The following MAP3K5 variants were observed in gnomAD, a reference collection of about 807,000 sequenced individuals.
MAP3K5 encodes the protein ASK-1.
In MAP3K5, 56 loss-of-function variants were observed where a neutral mutation model predicts 158.7. The observed-to-expected ratio is 0.35, with a 90% CI of 0.28 to 0.44. The LOEUF (loss-of-function observed/expected upper bound fraction) is 0.44. Ranked by LOEUF, MAP3K5 falls within the 20% of genes least tolerant of loss-of-function variation. The pLI, the probability that MAP3K5 is intolerant of heterozygous loss-of-function variation, is 1.00. For synonymous variants in MAP3K5, 579 were observed against 601.7 expected (o/e 0.96, Z 0.55); for missense variants, 1,294 against 1,674.8 (o/e 0.77, Z 3.97).
intron 25 of MAP3K5, among the ~76,000 whole-genome samples, chr6:136,571,214 ACTTT>A (rs1376741439): frequency 6.6e-6 from 1 of 152,210 alleles, no homozygotes; most frequent in Non-Finnish European, 1.5e-5. Context: ...AATGCTGAGA[ACTTT>A]CTTTCTGTCA....
At chr6:136,726,507 C>G (rs1781972981) in intron 1 of MAP3K5, among the ~76,000 whole-genome samples, 1 of 152,078 alleles carries the variant, frequency 6.6e-6, no homozygotes, top group African/African-American at 2.4e-5. Context: ...GCACAAGCAT[C>G]ACTTGAACCT....
chr6:136,775,362 A>G (rs951400919), intron 1 of MAP3K5, among the ~76,000 whole-genome samples: 1 of 152,204 alleles, frequency 6.6e-6, no homozygotes, highest in Non-Finnish European at 1.5e-5. Flanking sequence ...TAATTCTCAT[A>G]GACTAAATAT....
chr6:136,756,562 A>G lies in MAP3K5; in HGVS notation c.448+35148T>C, dbSNP rs563979523. 7.9e-5 allele frequency among the ~76,000 whole-genome samples: 12 copies of G among 152,248 alleles called. No homozygotes were observed. In the South Asian group the frequency reaches 2.5e-3, roughly 32 times the overall value. On this transcript the variant is annotated intron_variant, in intron 1 of 29. Transcript: ENST00000359015. Reference sequence around the variant, plus strand: ...CTCCCTGCAACCTCCGCCTCCCGGAAGGGTATTGCCTGTGTTGTACTCATC... The same window carrying G: ...CTCCCTGCAACCTCCGCCTCCCGGAGGGGTATTGCCTGTGTTGTACTCATC...
rs1421340052 is a variant in MAP3K5, at chr6:136,557,632, T to G, written c.*126A>C. On this transcript the variant is annotated 3_prime_UTR_variant, in exon 30 of 30. Transcript: ENST00000359015. ...TTGTCTGTTTTTTTTTTTTTTAACATGAGTAAACAAATACTGGATTTAAAG... is the reference window on the plus strand; with the variant it reads ...TTGTCTGTTTTTTTTTTTTTTAACAGGAGTAAACAAATACTGGATTTAAAG... 4 of 572,002 alleles carry G rather than the reference T, an allele frequency of 7.0e-6. No individual in the cohort carries two copies. The highest frequency in any genetic ancestry group is 9.3e-6 in the Non-Finnish European group (3 of 323,156). The allele number at this position is 572,002 out of a possible 1,614,324, so 35.4% of individuals were successfully genotyped here. A position where few individuals can be genotyped will look rare whatever the true frequency, so the allele number is the denominator to read the frequency against.
chr6:136,635,335 AAGT>A (rs1315251532), intron 14 of MAP3K5, among the ~76,000 whole-genome samples: 1 of 152,200 alleles, frequency 6.6e-6, no homozygotes, highest in Non-Finnish European at 1.5e-5. Context: ...ACGAGCCCTG[AAGT>A]AGGAGTCAAG....
intron 14 of MAP3K5, among the ~76,000 whole-genome samples, chr6:136,634,556 T>C (rs1444555299): frequency 6.6e-6 from 1 of 152,086 alleles, no homozygotes; most frequent in Non-Finnish European, 1.5e-5. Context: ...AGGATAGAAA[T>C]GTAAGAATGT....
intron 23 of MAP3K5, among the ~76,000 whole-genome samples, chr6:136,584,013 C>A (rs1177198347): frequency 6.6e-6 from 1 of 152,042 alleles, no homozygotes; most frequent in Non-Finnish European, 1.5e-5. Context: ...AAGGAAAGAC[C>A]ATATTTTGAA....
chr6:136,665,346 G>GTA (rs1243875677), intron 8 of MAP3K5, among the ~76,000 whole-genome samples: 3 of 136,474 alleles, frequency 2.2e-5, no homozygotes, highest in African/African-American at 8.7e-5. Flanking sequence ...AAGAAGAGCT[G>GTA]TATTTTTTTT....
intron 17 of MAP3K5, among the ~76,000 whole-genome samples, chr6:136,612,391 G>GAT (rs1027978243): frequency 1.3e-5 from 2 of 152,132 alleles, no homozygotes; most frequent in Admixed American, 1.3e-4. Context: ...GCTATTTACA[G>GAT]ATATATAATG....
At chr6:136,727,965 G>T (rs80293119) in intron 1 of MAP3K5, among the ~76,000 whole-genome samples, 1 of 133,742 alleles carries the variant, frequency 7.5e-6, no homozygotes, top group East Asian at 2.2e-4. Flanking sequence ...CCGCCTCAAA[G>T]AAAAAAAAAA....
At chr6:136,743,846 T>G (rs530666565) in intron 1 of MAP3K5, among the ~76,000 whole-genome samples, 2 of 152,324 alleles carry the variant, frequency 1.3e-5, no homozygotes, top group East Asian at 3.9e-4. Flanking sequence ...AATTCATTAT[T>G]ATTTAGGGCT....
chr6:136,737,058 A>ATATATATATATATATAT (rs1554308046), intron 1 of MAP3K5, among the ~76,000 whole-genome samples: 1 of 79,670 alleles, frequency 1.3e-5, no homozygotes, highest in Admixed American at 1.0e-4. Flanking sequence ...TATATATATA[A>ATATATATATATATATAT]ACTTAGATGT....
At chr6:136,673,480 CA>C (rs1169497638) in intron 7 of MAP3K5, among the ~76,000 whole-genome samples, 2 of 151,868 alleles carry the variant, frequency 1.3e-5, no homozygotes, top group African/African-American at 2.4e-5. Context: ...ATAATTATGA[CA>C]AATACGGTAA....
Position 136,580,338 on chromosome 6 carries a change from C to T in MAP3K5, c.3480G>A (p.Arg1160=), listed in dbSNP as rs945822377. Residue 1160 remains arginine, a synonymous_variant, in exon 25 of 30, where the codon CGG becomes CGA. Coordinates refer to ENST00000359015, the MANE Select transcript of MAP3K5 (RefSeq NM_005923.4). ...TGGTAATGGCTGTCTGTACCGCCTTCCGAATGATACTGTCTAAGGCAAACA... is the reference window on the plus strand; with the variant it reads ...TGGTAATGGCTGTCTGTACCGCCTTTCGAATGATACTGTCTAAGGCAAACA... ...HWMFALDSII[R]KAVQTAITIL... 10 of 1,613,688 alleles carry T rather than the reference C, an allele frequency of 6.2e-6. No homozygotes were observed. Among genetic ancestry groups the T allele is most frequent in the Non-Finnish European group, 7.6e-6 (9 of 1,179,616 alleles).
At chr6:136,714,344 C>T (rs1228188581) in intron 2 of MAP3K5, among the ~76,000 whole-genome samples, 1 of 152,122 alleles carries the variant, frequency 6.6e-6, no homozygotes, top group Non-Finnish European at 1.5e-5. Context: ...CTGCTATTTT[C>T]AAAACTATAA....
chr6:136,601,119 GA>G (rs1460919274), intron 20 of MAP3K5, 77 bp from the exon 21 acceptor site: 100 of 1,402,878 alleles, frequency 7.1e-5, no homozygotes, highest in Non-Finnish European at 9.7e-5. Flanking sequence ...AACAAAAAAT[GA>G]ATGCCTGAAA....
At chr6:136,663,606 CTTT>C (rs145415185) in intron 8 of MAP3K5, among the ~76,000 whole-genome samples, 19 of 121,466 alleles carry the variant, frequency 1.6e-4, no homozygotes, top group African/African-American at 5.3e-4. Context: ...AAATTTCTCA[CTTT>C]TTTTTTTTTT....
intron 10 of MAP3K5, among the ~76,000 whole-genome samples, chr6:136,652,266 G>A (rs1317419050): frequency 2.6e-5 from 4 of 152,036 alleles, no homozygotes; most frequent in African/African-American, 9.7e-5. Context: ...GAGAAAGGGA[G>A]GTAGAAAAAA....
Position 136,637,341 on chromosome 6 carries a change from T to A in MAP3K5, c.2000A>T (p.Glu667Val). The stretch of plus-strand genomic sequence containing the variant: ...AGTCATTACCTCCAGCAAGTCACTT[T>A]CACAGTCTCCTTCCTCTGTGCTTCT... Reference protein sequence around the residue: ...KGRSTEEGDCESDLLEYDYEY... With the variant: ...KGRSTEEGDCVSDLLEYDYEY... Residue 667 changes from glutamate to valine, a missense_variant, in exon 14 of 30, where the codon GAA (glutamate) becomes GTA (valine). Coordinates refer to ENST00000359015, the MANE Select transcript of MAP3K5 (RefSeq NM_005923.4). The A allele has an allele frequency of 1.2e-6, 2 of 1,611,414 alleles. No individual in the cohort carries two copies. The highest frequency in any genetic ancestry group is 1.7e-6 in the Non-Finnish European group (2 of 1,177,532).
Sources: gnomAD v4.1 joint callset for allele counts (sites outside exome capture counted in the v4.1 genomes callset) on GRCh38, gnomAD v4.1.1 for gene constraint, MANE v1.5 for transcripts, NCBI Gene and HGNC (gene_info 2026-07-23, HGNC 2026-07-21) for gene names.